Variants in MYO9B observed in about 807,000 individuals in gnomAD.
The protein encoded by MYO9B is myosin IXB, also known as unconventional myosin-IXb.
Under a neutral mutation model 229.5 loss-of-function variants are expected in MYO9B, and 71 were observed. The observed-to-expected ratio is 0.31, with a 90% CI of 0.26 to 0.38. The LOEUF is 0.38. Ranked by LOEUF, MYO9B falls within the 10% of genes least tolerant of loss-of-function variation. The pLI is 1.00. For synonymous variants in MYO9B, 1,185 were observed against 1,235.8 expected (o/e 0.96, Z 0.86); for missense variants, 2,255 against 2,920.5 (o/e 0.77, Z 5.25).
In MYO9B at chr19:17,195,396, C is replaced by T; in HGVS notation, c.3969C>T (p.Ser1323=). 6.2e-7 allele frequency: 1 copy of T among 1,609,844 alleles called. No individual in the cohort carries two copies. Among genetic ancestry groups the T allele is most frequent in the Non-Finnish European group, 8.5e-7 (1 of 1,179,344 alleles). The change falls in exon 22 of 40, where the codon AGC becomes AGT. Residue 1323 remains serine (S), a synonymous_variant. Transcript: ENST00000682292. The surrounding 1 kb of genome is among the most constrained non-coding windows in gnomAD (Gnocchi z 4.5). ...GCAAGAAGCTGGTGGCCGCCGCCAGCCCTAGTGCCATGCTCAGCCAGTCCC... is the reference window on the plus strand; with the variant it reads ...GCAAGAAGCTGGTGGCCGCCGCCAGTCCTAGTGCCATGCTCAGCCAGTCCC... ...WRGKKLVAAA[S]PSAMLSQSLD...
Position 17,194,739 on chromosome 19 carries a change from G to T in MYO9B, c.3312G>T (p.Gln1104His). The T allele has an allele frequency of 6.2e-7, 1 of 1,613,054 alleles. No homozygotes were observed. The highest frequency in any genetic ancestry group is 8.5e-7 in the Non-Finnish European group (1 of 1,179,882). Residue 1104 changes from glutamine (Q) to histidine (H), a missense_variant, in exon 22 of 40, where the codon CAG (glutamine) becomes CAT (histidine). Transcript: ENST00000682292. ...ACCTGGCATCGGAGCCTGAGGTGCA[G>T]CCAAGTGACAGGTCCCCCCTAGAGC... The part of the protein sequence containing the change: ...GGHLASEPEV[Q>H]PSDRSPLEHS...
At chr19:17,079,156 G>C (rs1197520031) in intron 1 of MYO9B, among the ~76,000 whole-genome samples, 2 of 152,164 alleles carry the variant, frequency 1.3e-5, no homozygotes, top group Admixed American at 6.5e-5. Context: ...GAAATGTGAT[G>C]CTCATTAGTA....
At chr19:17,109,803 C>G (rs1386604896) in intron 2 of MYO9B, among the ~76,000 whole-genome samples, 1 of 152,222 alleles carries the variant, frequency 6.6e-6, no homozygotes, top group South Asian at 2.1e-4. Context: ...TTGCCTTTCT[C>G]TCATGGGATC....
chr19:17,192,640 C>T, intron 20 of MYO9B, 106 bp from the exon 21 acceptor site: 1 of 849,168 alleles, frequency 1.2e-6, no homozygotes, highest in South Asian at 2.7e-5. Flanking sequence ...GGTTGGTCAG[C>T]ACACCAGCCT....
At chr19:17,096,762 G>C (rs1333219622) in intron 1 of MYO9B, among the ~76,000 whole-genome samples, 2 of 144,664 alleles carry the variant, frequency 1.4e-5, no homozygotes, top group African/African-American at 5.1e-5. Flanking sequence ...CTGGAGTGCA[G>C]TGGCATGATC....
intron 24 of MYO9B, among the ~76,000 whole-genome samples, chr19:17,198,659 C>T (rs1051383469): frequency 3.0e-4 from 41 of 137,902 alleles, no homozygotes; most frequent in African/African-American, 1.0e-3. Context: ...CGCTTGAACT[C>T]GGGAGGTGGA....
intron 2 of MYO9B, among the ~76,000 whole-genome samples, chr19:17,109,206 C>T (rs2057823922): frequency 6.6e-6 from 1 of 151,974 alleles, no homozygotes; most frequent in African/African-American, 2.4e-5. Context: ...GCTGGGACTA[C>T]AGGTGCTCAC....
chr19:17,195,401 G>C lies in MYO9B; in HGVS notation c.3974G>C (p.Ser1325Thr). ...GKKLVAAASP[S>T]AMLSQSLDLS... ...AAGCTGGTGGCCGCCGCCAGCCCTA[G>C]TGCCATGCTCAGCCAGTCCCTGGAC... Residue 1325 changes from serine (S) to threonine (T), a missense_variant, in exon 22 of 40, where the codon AGT becomes ACT. Around this residue, in one of 7 missense-constraint regions of MYO9B, gnomAD observed 679 missense variants for 770.2 expected, o/e 0.88. Coordinates refer to ENST00000682292, the MANE Select transcript of MYO9B (RefSeq NM_004145.4). The surrounding 1 kb of genome is among the most constrained non-coding windows in gnomAD (Gnocchi z 4.5). 1 of 1,609,608 alleles carries C rather than the reference G, an allele frequency of 6.2e-7. No individual in the cohort carries two copies. The highest frequency in any genetic ancestry group is 8.5e-7 in the Non-Finnish European group (1 of 1,179,330).
At chr19:17,157,552 C>G (rs1391880170) in intron 7 of MYO9B, 2 of 160,186 alleles carry the variant, frequency 1.2e-5, no homozygotes, top group Admixed American at 6.3e-5. Context: ...GAGCGAGACT[C>G]TGTCTCAAAA....
intron 19 of MYO9B, among the ~76,000 whole-genome samples, chr19:17,188,750 C>T (rs143638762): frequency 2.0e-5 from 3 of 152,290 alleles, no homozygotes; most frequent in East Asian, 1.9e-4. Flanking sequence ...TAGTGGCACA[C>T]GCCTGTAATC....
intron 2 of MYO9B, among the ~76,000 whole-genome samples, chr19:17,114,143 C>T (rs1421044608): frequency 1.3e-5 from 2 of 152,252 alleles, no homozygotes; most frequent in Non-Finnish European, 2.9e-5. Context: ...AACCACCCCC[C>T]AGTTGAGAAC....
chr19:17,200,585 C>A lies in MYO9B; in HGVS notation c.4373-54C>A, dbSNP rs993013139. 1.2e-5 allele frequency: 19 copies of A among 1,547,884 alleles called. No homozygotes were observed. The African/African-American group carries it at 2.6e-4, about 21-fold the overall frequency. On this transcript the variant is annotated intron_variant, in intron 25 of 39. Transcript: ENST00000682292. ...GATAAAGGCGTGCCATAGGAGGTCC[C>A]CTGCATCCTCCCCCTGAACCCACCC...
chr19:17,089,135 A>C (rs376759097), intron 1 of MYO9B, among the ~76,000 whole-genome samples: 2 of 152,142 alleles, frequency 1.3e-5, no homozygotes, highest in African/African-American at 4.8e-5. Context: ...GTTAGGTTGC[A>C]GGTGTAGAAA....
In MYO9B at chr19:17,102,574, G is replaced by T. The variant is rs1045549727; in HGVS notation, c.840+17G>T. On this transcript the variant is annotated intron_variant, in intron 2 of 39. Coordinates refer to ENST00000682292, the MANE Select transcript of MYO9B (RefSeq NM_004145.4). ...GTGCTGGAGGTGAGCGGGGAAGCTG[G>T]TCGGTCTGTGGGAGGGGGCATTTGT... The T allele has an allele frequency of 1.9e-6, 3 of 1,553,324 alleles. No individual in the cohort carries two copies. The Admixed American group carries it at 5.8e-5, about 30-fold the overall frequency.
chr19:17,099,734 C>T (rs1173290751), intron 1 of MYO9B, among the ~76,000 whole-genome samples: 4 of 145,788 alleles, frequency 2.7e-5, no homozygotes, highest in Non-Finnish European at 6.0e-5. Context: ...AGGAGAATGG[C>T]GTGAACCCGG....
intron 6 of MYO9B, among the ~76,000 whole-genome samples, chr19:17,156,415 CA>C (rs1220265057): frequency 6.6e-6 from 1 of 151,192 alleles, no homozygotes; most frequent in Non-Finnish European, 1.5e-5. Flanking sequence ...ACCCTGTTTC[CA>C]AAAAAAAGAA....
At position 17,184,789 on chromosome 19, in the gene MYO9B, C is replaced by T. The variant is rs909156579; in HGVS notation, c.2374-76C>T. The T allele has an allele frequency of 1.4e-5, 22 of 1,593,700 alleles. No individual in the cohort carries two copies. The East Asian group carries it at 3.2e-4, about 23-fold the overall frequency. On this transcript the variant is annotated intron_variant, in intron 16 of 39. Coordinates refer to ENST00000682292, the MANE Select transcript of MYO9B (RefSeq NM_004145.4). ...CGGGGACGCTGTTCTGCCCTGGCTT[C>T]GGGGACACCTGTGATGCCTCCCCGT... is the stretch of plus-strand genomic sequence containing the variant.
Position 17,151,894 on chromosome 19 carries a change from C to T in MYO9B, c.936-750C>T, listed in dbSNP as rs983284742. 3.9e-5 allele frequency among the ~76,000 whole-genome samples: 6 copies of T among 152,084 alleles called. No homozygotes were observed. The East Asian group carries it at 5.8e-4, about 15-fold the overall frequency. ...GCCTGCACAACAGAGCAAGATCCTG[C>T]GTCAAAACGAATGCTGGGTGCAGTG... On this transcript the variant is annotated intron_variant, in intron 3 of 39. Coordinates refer to ENST00000682292, the MANE Select transcript of MYO9B (RefSeq NM_004145.4).
chr19:17,159,558 G>A, intron 8 of MYO9B, 74 bp downstream of exon 8: 1 of 1,271,674 alleles, frequency 7.9e-7, no homozygotes, highest in Non-Finnish European at 1.1e-6. Flanking sequence ...GAAAGAGCCG[G>A]CATGGGTGGG....
Sources: allele counts gnomAD v4.1 joint callset (sites outside exome capture counted in the v4.1 genomes callset), GRCh38; gene constraint gnomAD v4.1.1; regional missense constraint gnomAD v4.1.1; non-coding constraint Gnocchi (gnomAD v3.1); transcripts MANE v1.5; gene names NCBI Gene and HGNC (gene_info 2026-07-23, HGNC 2026-07-21).